The following ADGRV1 variants were observed in gnomAD, a reference collection of about 807,000 sequenced individuals.
ADGRV1 encodes adhesion G protein-coupled receptor V1.
In ADGRV1, 359 loss-of-function variants were observed where a neutral mutation model predicts 596.2. The observed-to-expected ratio is 0.60, with a 90% CI of 0.55 to 0.66. The LOEUF is 0.66. Among genes scored for constraint, ADGRV1 ranks in the 30% least tolerant of loss-of-function variants. The probability of loss-of-function intolerance (pLI) is 0.00; values close to 1 mark genes in which losing one functional copy is unlikely to be tolerated. For missense variants in ADGRV1, 7,274 were observed against 7,575.6 expected (o/e 0.96, Z 1.48); for synonymous variants, 2,681 against 2,679.2 (o/e 1.00, Z -0.02).
chr5:91,142,504 G>A (rs181141961), intron 87 of ADGRV1, among the ~76,000 whole-genome samples: 3 of 152,214 alleles, frequency 2.0e-5, no homozygotes, highest in East Asian at 3.9e-4. Flanking sequence ...CCTCAACTAG[G>A]AGTTGTTGAA....
In ADGRV1 at chr5:90,791,154, T is replaced by C; in HGVS notation, c.14325T>C (p.Ile4775=). 6.2e-7 allele frequency: 1 copy of C among 1,613,966 alleles called. No individual in the cohort carries two copies. The highest frequency in any genetic ancestry group is 8.5e-7 in the Non-Finnish European group (1 of 1,179,890). ...ATTCGGATCGCCAGTCAATACTTAT[T>C]GGGCAGAACCTTATTAGATCCATCC... ...ALYSDRQSIL[I]GQNLIRSIQI... is the part of the protein sequence containing the mutation. Residue 4775 remains isoleucine, a synonymous_variant, in exon 70 of 90, where the codon ATT becomes ATC. Coordinates refer to ENST00000405460, the MANE Select transcript of ADGRV1 (RefSeq NM_032119.4).
At position 90,853,990 on chromosome 5, in the gene ADGRV1, G is replaced by C. The variant is rs1365648318; in HGVS notation, c.17455-72G>C. The stretch of plus-strand genomic sequence containing the variant: ...GTAGCTACTAGAAAAATGAAGTCAA[G>C]TTCAGGGTAAGAGACTCAGTCATTA... On this transcript the variant is annotated intron_variant, in intron 80 of 89. Coordinates refer to ENST00000405460, the MANE Select transcript of ADGRV1 (RefSeq NM_032119.4). 13 of 1,145,844 alleles carry C rather than the reference G, an allele frequency of 1.1e-5. 1 individual carries two copies. In the African/African-American group the frequency reaches 1.2e-4, roughly 11 times the overall value. The allele number at this position is 1,145,844 out of a possible 1,614,324, so 71.0% of individuals were successfully genotyped here. A position where few individuals can be genotyped will look rare whatever the true frequency, so the allele number is the denominator to read the frequency against.
At chr5:90,783,607 A>T (rs1272820209) in intron 66 of ADGRV1, among the ~76,000 whole-genome samples, 1 of 152,220 alleles carries the variant, frequency 6.6e-6, no homozygotes, top group East Asian at 1.9e-4. Context: ...CACTTTCTTT[A>T]TGCATTAAGC....
In ADGRV1 at chr5:90,776,514, G is replaced by A. The variant is rs545125119; in HGVS notation, c.12465G>A (p.Pro4155=). 1.1e-5 allele frequency: 18 copies of A among 1,613,216 alleles called. No homozygotes were observed. Among genetic ancestry groups the A allele is most frequent in the African/African-American group, 5.3e-5 (4 of 74,976 alleles). ...CATCAGGAGAAGTTGGGATAGCTCCGTCATCTAGGCACATCCTCATTGGGG... is the reference window on the plus strand; with the variant it reads ...CATCAGGAGAAGTTGGGATAGCTCCATCATCTAGGCACATCCTCATTGGGG... ...KRASGEVGIA[P]SSRHILIGEP... is the part of the protein sequence containing the mutation. Residue 4155 remains proline, a synonymous_variant, in exon 61 of 90, where the codon CCG becomes CCA. Transcript: ENST00000405460.
chr5:90,750,902 A>C (rs1755176702), intron 53 of ADGRV1, among the ~76,000 whole-genome samples: 1 of 152,130 alleles, frequency 6.6e-6, no homozygotes, highest in Non-Finnish European at 1.5e-5. Context: ...ATAAAACCAA[A>C]ATTGTCCTTT....
intron 83 of ADGRV1, among the ~76,000 whole-genome samples, chr5:90,949,088 T>C (rs1776847681): frequency 6.6e-6 from 1 of 152,124 alleles, no homozygotes; most frequent in African/African-American, 2.4e-5. Flanking sequence ...ACAGTATGGG[T>C]TAATCTCACA....
chr5:90,685,318 T>C (rs28517617), intron 28 of ADGRV1, among the ~76,000 whole-genome samples: 111,831 of 151,998 alleles, frequency 0.74, 42,178 homozygotes, highest in African/African-American at 0.9. Flanking sequence ...CGCGGTGGCT[T>C]ATGCCTGTAA....
chr5:90,967,724 A>G (rs768722498), intron 84 of ADGRV1, among the ~76,000 whole-genome samples: 1 of 152,208 alleles, frequency 6.6e-6, no homozygotes, highest in Non-Finnish European at 1.5e-5. Context: ...AAGTAGAGCC[A>G]ATGAAGAGAA....
chr5:90,775,088 T>A (rs1758085640), intron 60 of ADGRV1, among the ~76,000 whole-genome samples: 2 of 152,170 alleles, frequency 1.3e-5, no homozygotes, highest in African/African-American at 4.8e-5. Flanking sequence ...ATGGTTTTAT[T>A]GTGCTATAAA....
intron 86 of ADGRV1, among the ~76,000 whole-genome samples, chr5:91,096,239 T>C (rs1790853179): frequency 6.6e-6 from 1 of 152,226 alleles, no homozygotes; most frequent in Non-Finnish European, 1.5e-5. Context: ...GAGTGTGATT[T>C]CCATAATAAA....
intron 1 of ADGRV1, among the ~76,000 whole-genome samples, chr5:90,596,132 C>CTGCAATCTCG (rs1760518087): frequency 6.7e-6 from 1 of 148,368 alleles, no homozygotes. Flanking sequence ...CGGGCAGAGG[C>CTGCAATCTCG]GCTCCTCACA....
chr5:91,052,579 C>T (rs1182570622), intron 85 of ADGRV1, among the ~76,000 whole-genome samples: 1 of 151,898 alleles, frequency 6.6e-6, no homozygotes, highest in Non-Finnish European at 1.5e-5. Flanking sequence ...GTATTACAGG[C>T]CCCCACCACC....
In ADGRV1 at chr5:90,690,745, A is replaced by T. The variant is rs139239974; in HGVS notation, c.6707-52A>T. 2,503 of 1,544,368 alleles carry T rather than the reference A, an allele frequency of 1.6e-3. 71 individuals carry two copies. The East Asian group carries it at 0.041, about 25-fold the overall frequency. On this transcript the variant is annotated intron_variant, in intron 30 of 89. Transcript: ENST00000405460. ...ATAGGATGGTGCTTGGTTAACTGTT[A>T]TCTCTGTTTCACTTTGTATTTGAAA...
chr5:90,683,838 G>C lies in ADGRV1; in HGVS notation c.5917G>C (p.Asp1973His), dbSNP rs1218609709. Residue 1973 changes from aspartate to histidine, a missense_variant, in exon 28 of 90, where the codon GAT becomes CAT. This residue lies in a region of ADGRV1 where 3,643 missense variants were observed against 3,809.2 expected (regional missense o/e 0.96). Coordinates refer to ENST00000405460, the MANE Select transcript of ADGRV1 (RefSeq NM_032119.4). The part of the protein sequence containing the change: ...INATLTVLAS[D>H]DPYGIFIFSE... ...TGCCACGTTAACAGTTTTGGCTAGT[G>C]ATGATCCATATGGGATATTCATTTT... 6.2e-7 allele frequency: 1 copy of C among 1,613,646 alleles called. No homozygotes were observed. The highest frequency in any genetic ancestry group is 1.7e-5 in the Admixed American group (1 of 59,974).
In ADGRV1 at chr5:90,985,334, T is replaced by A; in HGVS notation, c.17974-10T>A. On this transcript the variant is annotated splice_polypyrimidine_tract_variant and intron_variant, in intron 84 of 89. Coordinates refer to ENST00000405460, the MANE Select transcript of ADGRV1 (RefSeq NM_032119.4). ...AGAGCCTGTTCATTTTATGTTGTTT[T>A]CTTCCTTAGTCTGTGAATTTCTGGT... The A allele has an allele frequency of 6.3e-7, 1 of 1,586,188 alleles. No individual in the cohort carries two copies. Among genetic ancestry groups the A allele is most frequent in the Non-Finnish European group, 8.6e-7 (1 of 1,164,248 alleles).
At chr5:90,822,581 CT>C (rs1013563749) in intron 75 of ADGRV1, among the ~76,000 whole-genome samples, 2 of 152,130 alleles carry the variant, frequency 1.3e-5, no homozygotes, top group African/African-American at 4.8e-5. Context: ...CAGCTTTGTT[CT>C]TTTGGCTTAG....
intron 29 of ADGRV1, 124 bp from the exon 30 acceptor site, chr5:90,689,737 A>G (rs966052306): frequency 3.5e-5 from 23 of 653,088 alleles, no homozygotes; most frequent in African/African-American, 1.5e-4. Flanking sequence ...AATGTAGTCA[A>G]TATCCTCAAA....
At chr5:90,944,572 A>G (rs189072749) in intron 83 of ADGRV1, among the ~76,000 whole-genome samples, 22 of 152,290 alleles carry the variant, frequency 1.4e-4, no homozygotes, top group Admixed American at 1.1e-3. Context: ...CTGGACCCCA[A>G]ATCTAAATGT....
At chr5:90,695,800 C>A (rs73772467) in intron 33 of ADGRV1, among the ~76,000 whole-genome samples, 1 of 151,802 alleles carries the variant, frequency 6.6e-6, no homozygotes, top group East Asian at 1.9e-4. Context: ...ATATGCTTGA[C>A]GGAAGATGGG....
Sources: gnomAD v4.1 joint callset for allele counts (sites outside exome capture counted in the v4.1 genomes callset) on GRCh38, gnomAD v4.1.1 for gene constraint, gnomAD v4.1.1 regional missense constraint, MANE v1.5 for transcripts, NCBI Gene and HGNC (gene_info 2026-07-23, HGNC 2026-07-21) for gene names.